Variants in PROKR1 observed in about 807,000 individuals in gnomAD.
The protein encoded by PROKR1 is G protein-coupled receptor 73.
In PROKR1, 21 loss-of-function variants were observed where a neutral mutation model predicts 22.8. That is an observed-to-expected ratio of 0.92 (90% CI 0.65 to 1.32). The LOEUF (loss-of-function observed/expected upper bound fraction) is 1.32. Among genes scored for constraint, PROKR1 ranks in the 40% most tolerant of loss-of-function variants. The pLI is 0.00. For missense variants in PROKR1, 548 were observed against 514.2 expected, an observed-to-expected ratio of 1.07 and a Z score of -0.64; for synonymous variants, 193 against 207.5, an observed-to-expected ratio of 0.93 and a Z score of 0.60.
intron 2 of PROKR1, among the ~76,000 whole-genome samples, chr2:68,654,660 T>C (rs1673400817): frequency 6.6e-6 from 1 of 152,052 alleles, no homozygotes. Context: ...TTAGCGCGTG[T>C]GGTGCATTGC....
chr2:68,655,264 C>T lies in PROKR1; in HGVS notation c.870C>T (p.Leu290=), dbSNP rs1673422008. The T allele has an allele frequency of 6.2e-7, 1 of 1,614,138 alleles. No homozygotes were observed. Among genetic ancestry groups the T allele is most frequent in the Non-Finnish European group, 8.5e-7 (1 of 1,180,060 alleles). The change falls in exon 3 of 3, where the codon CTC becomes CTT. Residue 290 remains leucine, a synonymous_variant. Coordinates refer to ENST00000303786, the MANE Select transcript of PROKR1 (RefSeq NM_138964.4). The stretch of plus-strand genomic sequence containing the variant: ...CGGTCCTGGTGCTCATGTGCATCCT[C>T]ACCGCCTACGTGCTATGCTGGGCGC... ...RKTVLVLMCI[L]TAYVLCWAPF...
rs1573339581 is a variant in PROKR1, at chr2:68,655,209, T to C, written c.815T>C (p.Ile272Thr). The change falls in exon 3 of 3, where the codon ATC becomes ACC. Residue 272 changes from isoleucine (I) to threonine (T), a missense_variant. Coordinates refer to ENST00000303786, the MANE Select transcript of PROKR1 (RefSeq NM_138964.4). The stretch of plus-strand genomic sequence containing the variant: ...GTCCCTGGATTCCAGACAGAGCAGA[T>C]CCGCAAGAGGCTGCGCTGCCGCAGG... The part of the protein sequence containing the change: ...KAVPGFQTEQ[I>T]RKRLRCRRKT... 6.2e-7 allele frequency: 1 copy of C among 1,614,234 alleles called. No homozygotes were observed. Among genetic ancestry groups the C allele is most frequent in the Non-Finnish European group, 8.5e-7 (1 of 1,180,048 alleles).
At chr2:68,646,440 T>A in intron 2 of PROKR1, 134 bp downstream of exon 2, 1 of 1,334,830 alleles carries the variant, frequency 7.5e-7, no homozygotes, top group Non-Finnish European at 1.0e-6. Context: ...CATGGGGGAC[T>A]CAAAAGCTTG....
chr2:68,644,309 G>A (rs1485622223), intron 1 of PROKR1, among the ~76,000 whole-genome samples: 1 of 152,168 alleles, frequency 6.6e-6, no homozygotes, highest in African/African-American at 2.4e-5. Context: ...TGCGACCCAC[G>A]GGACCTGCAA....
intron 2 of PROKR1, among the ~76,000 whole-genome samples, chr2:68,650,241 T>C (rs1254934149): frequency 1.3e-5 from 2 of 152,134 alleles, no homozygotes; most frequent in East Asian, 1.9e-4. Context: ...AATAACTCCA[T>C]TGTCTACAAA....
chr2:68,646,545 G>T (rs1282329570), intron 2 of PROKR1, among the ~76,000 whole-genome samples: 1 of 152,202 alleles, frequency 6.6e-6, no homozygotes, highest in East Asian at 1.9e-4. Flanking sequence ...GGAAGCTTTT[G>T]ATCTCCCTTG....
At chr2:68,654,461 T>C (rs1360401385) in intron 2 of PROKR1, among the ~76,000 whole-genome samples, 1 of 152,140 alleles carries the variant, frequency 6.6e-6, no homozygotes, top group Non-Finnish European at 1.5e-5. Flanking sequence ...AGAGATGACA[T>C]TGGGGTTTGC....
chr2:68,655,934 G>A lies in PROKR1; in HGVS notation c.*358G>A. The A allele has an allele frequency of 2.8e-6, 1 of 360,368 alleles. No homozygotes were observed. The allele number at this position is 360,368 out of a possible 1,614,324, so 22.3% of individuals were successfully genotyped here. A position where few individuals can be genotyped will look rare whatever the true frequency, so the allele number is the denominator to read the frequency against. On this transcript the variant is annotated 3_prime_UTR_variant, in exon 3 of 3. Transcript: ENST00000303786. ...AGAACTGGAGTAGGTATCTAGGATT[G>A]CAGTACATGTGTTCGTAGTGTGAGA...
intron 2 of PROKR1, chr2:68,649,533 C>A (rs1673265069): frequency 6.6e-6 from 1 of 151,702 alleles, no homozygotes; most frequent in Admixed American, 6.6e-5. Flanking sequence ...GTGAATAAGA[C>A]AAAAAAAACT....
chr2:68,651,624 A>C (rs1201771334), intron 2 of PROKR1, among the ~76,000 whole-genome samples: 3 of 152,196 alleles, frequency 2.0e-5, no homozygotes, highest in Non-Finnish European at 4.4e-5. Context: ...TGGTGAGCTC[A>C]TTAGTCAGGG....
intron 2 of PROKR1, among the ~76,000 whole-genome samples, chr2:68,652,736 G>A (rs1325479427): frequency 5.9e-5 from 9 of 152,142 alleles, no homozygotes; most frequent in Non-Finnish European, 8.8e-5. Context: ...TCTCACTGGC[G>A]CCTCATAGCA....
chr2:68,644,580 G>A (rs1416554634), intron 1 of PROKR1, among the ~76,000 whole-genome samples: 1 of 152,202 alleles, frequency 6.6e-6, no homozygotes, highest in Admixed American at 6.5e-5. Flanking sequence ...AATATGGAGA[G>A]CAGGCTTTCC....
rs777080515 is a variant in PROKR1, at chr2:68,655,004, A to T, written c.610A>T (p.Thr204Ser). The change falls in exon 3 of 3, where the codon ACG becomes TCG. Residue 204 changes from threonine to serine, a missense_variant. Coordinates refer to ENST00000303786, the MANE Select transcript of PROKR1 (RefSeq NM_138964.4). Reference sequence around the variant, plus strand: ...CCCTTCCGCCTACTTCACCACCGAGACGGTCCTCGTCATTGTCAAGAGCCA... The same window carrying T: ...CCCTTCCGCCTACTTCACCACCGAGTCGGTCCTCGTCATTGTCAAGAGCCA... ...AIPSAYFTTE[T>S]VLVIVKSQEK... 6.2e-7 allele frequency: 1 copy of T among 1,613,476 alleles called. No homozygotes were observed. The highest frequency in any genetic ancestry group is 1.7e-5 in the Admixed American group (1 of 59,994).
At position 68,643,817 on chromosome 2, in the gene PROKR1, G is replaced by A. The variant is rs929256676; in HGVS notation, c.-192G>A. The A allele has an allele frequency of 6.6e-6, 1 of 152,328 alleles. No individual in the cohort carries two copies. The highest frequency in any genetic ancestry group is 1.5e-5 in the Non-Finnish European group (1 of 68,116). 9.4% of individuals were successfully genotyped at this position (152,328 alleles called of 1,614,324 possible). ...ATCCGGCCCCGGAATAAGAAACCCG[G>A]ACCTTGCCTGCCGGGCTCCGCGATG... On this transcript the variant is annotated 5_prime_UTR_variant, in exon 1 of 3. Coordinates refer to ENST00000303786, the MANE Select transcript of PROKR1 (RefSeq NM_138964.4).
At chr2:68,647,274 T>G (rs1673206611) in intron 2 of PROKR1, among the ~76,000 whole-genome samples, 1 of 152,204 alleles carries the variant, frequency 6.6e-6, no homozygotes, top group Admixed American at 6.5e-5. Context: ...AGTGTAAACT[T>G]GTGCTAATGG....
In PROKR1 at chr2:68,650,428, G is replaced by T. The variant is rs568932462; in HGVS notation, c.485+4122G>T. 5.3e-5 allele frequency among the ~76,000 whole-genome samples: 8 copies of T among 152,240 alleles called. No homozygotes were observed. In the South Asian group the frequency reaches 1.7e-3, roughly 32 times the overall value. On this transcript the variant is annotated intron_variant, in intron 2 of 2. Transcript: ENST00000303786. ...TAAAAATAAATTTTTTTAGAGATGA[G>T]ATCTTGCTATGCTGCCCAGGCTAGT...
chr2:68,645,372 C>T (rs1236784730), intron 1 of PROKR1, among the ~76,000 whole-genome samples: 1 of 152,180 alleles, frequency 6.6e-6, no homozygotes, highest in African/African-American at 2.4e-5. Context: ...TCTCTTCAGC[C>T]TCCCCACACT....
Position 68,646,049 on chromosome 2 carries a change from C to T in PROKR1, c.228C>T (p.Cys76=), listed in dbSNP as rs143085969. 6.8e-5 allele frequency: 109 copies of T among 1,614,228 alleles called. No individual in the cohort carries two copies. The African/African-American group carries it at 7.6e-4, about 11-fold the overall frequency. ...GMALVGIMLV[C]GIGNFIFIAA... Reference sequence around the variant, plus strand: ...CCCTGGTGGGCATCATGCTGGTCTGCGGCATTGGAAACTTCATCTTTATCG... The same window carrying T: ...CCCTGGTGGGCATCATGCTGGTCTGTGGCATTGGAAACTTCATCTTTATCG... The change falls in exon 2 of 3, where the codon TGC becomes TGT. Residue 76 remains cysteine, a synonymous_variant. Transcript: ENST00000303786.
intron 2 of PROKR1, among the ~76,000 whole-genome samples, chr2:68,652,656 G>A (rs542616827): frequency 4.1e-4 from 57 of 140,504 alleles, no homozygotes; most frequent in Non-Finnish European, 7.3e-4. Flanking sequence ...GAATAGCTCT[G>A]GGAAAAAATA....
Sources: allele counts gnomAD v4.1 joint callset (sites outside exome capture counted in the v4.1 genomes callset), GRCh38; gene constraint gnomAD v4.1.1; transcripts MANE v1.5; gene names NCBI Gene and HGNC (gene_info 2026-07-23, HGNC 2026-07-21).